Variants in CDH12 observed in about 807,000 individuals in gnomAD.
CDH12 encodes cadherin-12.
In CDH12, 41 loss-of-function variants were observed where a neutral mutation model predicts 74.1. The observed-to-expected ratio is 0.55, with a 90% CI of 0.43 to 0.72. The LOEUF (loss-of-function observed/expected upper bound fraction) is 0.72. Ranked by LOEUF, CDH12 falls within the 30% of genes least tolerant of loss-of-function variation. The pLI is 0.00. For missense variants in CDH12, 945 were observed against 977.2 expected, an observed-to-expected ratio of 0.97 and a Z score of 0.44; for synonymous variants, 399 against 355.0, an observed-to-expected ratio of 1.12 and a Z score of -1.39.
At chr5:21,892,352 A>G (rs1201774608) in intron 6 of CDH12, among the ~76,000 whole-genome samples, 1 of 152,132 alleles carries the variant, frequency 6.6e-6, no homozygotes, top group African/African-American at 2.4e-5. Context: ...GAACTTTCCT[A>G]GAATGGAATA....
chr5:22,738,639 A>AT (rs1433493972), intron 1 of CDH12, among the ~76,000 whole-genome samples: 1 of 152,114 alleles, frequency 6.6e-6, no homozygotes, highest in Non-Finnish European at 1.5e-5. Flanking sequence ...TCAAGGGGAC[A>AT]TGTTTAAAAA....
At chr5:21,967,809 G>C (rs1756653814) in intron 6 of CDH12, among the ~76,000 whole-genome samples, 1 of 152,122 alleles carries the variant, frequency 6.6e-6, no homozygotes, top group African/African-American at 2.4e-5. Context: ...AACATCCTAT[G>C]GCCCTGAAAA....
At chr5:22,274,246 A>T (rs1736524985) in intron 3 of CDH12, among the ~76,000 whole-genome samples, 1 of 152,150 alleles carries the variant, frequency 6.6e-6, no homozygotes, top group South Asian at 2.1e-4. Context: ...GGGATTTTAC[A>T]TGCCAAGAAT....
chr5:22,819,242 C>A (rs1305197513), intron 1 of CDH12, among the ~76,000 whole-genome samples: 2 of 152,002 alleles, frequency 1.3e-5, no homozygotes, highest in Non-Finnish European at 2.9e-5. Context: ...CAAAGTGATC[C>A]TGCTCAAGAT....
At chr5:22,557,924 TG>T (rs1030883770) in intron 1 of CDH12, among the ~76,000 whole-genome samples, 4 of 152,092 alleles carry the variant, frequency 2.6e-5, no homozygotes, top group African/African-American at 9.7e-5. Context: ...TAAATATTTT[TG>T]TCCAAATTAT....
intron 1 of CDH12, among the ~76,000 whole-genome samples, chr5:22,721,608 T>C (rs751882721): frequency 5.3e-5 from 8 of 152,124 alleles, no homozygotes; most frequent in Non-Finnish European, 1.2e-4. Context: ...AAGGCATGAT[T>C]GGTTTTGAAA....
chr5:21,880,781 G>A (rs887483516), intron 6 of CDH12, among the ~76,000 whole-genome samples: 1 of 150,998 alleles, frequency 6.6e-6, no homozygotes, highest in Non-Finnish European at 1.5e-5. Flanking sequence ...CTAATAGAAA[G>A]TAGAGTCCCA....
chr5:22,747,185 G>C (rs1268198998), intron 1 of CDH12, among the ~76,000 whole-genome samples: 2 of 151,938 alleles, frequency 1.3e-5, no homozygotes, highest in African/African-American at 4.8e-5. Context: ...TAAGAAAAAT[G>C]GTTAAACACT....
At chr5:22,171,681 A>T (rs1749038577) in intron 4 of CDH12, among the ~76,000 whole-genome samples, 1 of 151,988 alleles carries the variant, frequency 6.6e-6, no homozygotes, top group African/African-American at 2.4e-5. Context: ...CCACACAGCT[A>T]GTAAGTGGTA....
chr5:22,756,176 C>T (rs1199738743), intron 1 of CDH12, among the ~76,000 whole-genome samples: 1 of 145,756 alleles, frequency 6.9e-6, no homozygotes, highest in East Asian at 2.1e-4. Context: ...CAGTCTATAA[C>T]AGTATACTCA....
In CDH12 at chr5:22,517,378, T is replaced by G. The variant is rs16896504; in HGVS notation, c.-522-12014A>C. On this transcript the variant is annotated intron_variant, in intron 1 of 14. Transcript: ENST00000382254. ...TTTAAAAAATCTCTAGAATTTAAAT[T>G]CATCACTTTTATGTTTATCACTCTG... 8.7e-3 allele frequency among the ~76,000 whole-genome samples: 1,327 copies of G among 152,262 alleles called. 22 individuals are homozygous for G. Among genetic ancestry groups the G allele is most frequent in the African/African-American group, 0.03 (1,266 of 41,562 alleles).
intron 5 of CDH12, among the ~76,000 whole-genome samples, chr5:22,040,889 G>A (rs985960066): frequency 7.9e-5 from 12 of 151,698 alleles, no homozygotes; most frequent in Non-Finnish European, 1.5e-4. Flanking sequence ...GTAAATATGT[G>A]GCCAAATTGA....
At chr5:21,814,146 TGTGTGTGTG>T (rs1747910876) in intron 9 of CDH12, among the ~76,000 whole-genome samples, 1 of 13,738 alleles carries the variant, frequency 7.3e-5, no homozygotes, top group Non-Finnish European at 3.0e-4. Context: ...GAAATGAGTG[TGTGTGTGTG>T]TGTGTGTGTG....
chr5:21,867,277 C>T (rs1278704741), intron 6 of CDH12, among the ~76,000 whole-genome samples: 1 of 152,160 alleles, frequency 6.6e-6, no homozygotes, highest in Non-Finnish European at 1.5e-5. Context: ...ATGGCTTGAA[C>T]CCAGGAGGCG....
At chr5:22,120,928 A>G (rs1448127557) in intron 4 of CDH12, among the ~76,000 whole-genome samples, 1 of 152,194 alleles carries the variant, frequency 6.6e-6, no homozygotes, top group Non-Finnish European at 1.5e-5. Flanking sequence ...AGACAACACA[A>G]GTAAAATCAT....
chr5:22,824,324 A>G (rs1749891207), intron 1 of CDH12, among the ~76,000 whole-genome samples: 1 of 152,146 alleles, frequency 6.6e-6, no homozygotes, highest in African/African-American at 2.4e-5. Context: ...AAAATGGATG[A>G]TCCAGATGAA....
chr5:22,220,341 A>G (rs1751969563), intron 3 of CDH12, among the ~76,000 whole-genome samples: 1 of 151,746 alleles, frequency 6.6e-6, no homozygotes, highest in Admixed American at 6.6e-5. Context: ...AATGCATTTT[A>G]TTGATTAGAC....
At chr5:22,552,659 C>T (rs963651783) in intron 1 of CDH12, among the ~76,000 whole-genome samples, 1 of 152,106 alleles carries the variant, frequency 6.6e-6, no homozygotes, top group African/African-American at 2.4e-5. Context: ...GATCTCCTAA[C>T]CTCGTGATCT....
At chr5:22,652,023 A>G (rs908672142) in intron 1 of CDH12, among the ~76,000 whole-genome samples, 2 of 151,898 alleles carry the variant, frequency 1.3e-5, no homozygotes, top group African/African-American at 4.8e-5. Flanking sequence ...ATAGATGGTT[A>G]AAACGTAGGT....
Sources: allele counts gnomAD v4.1 joint callset (sites outside exome capture counted in the v4.1 genomes callset), GRCh38; gene constraint gnomAD v4.1.1; transcripts MANE v1.5; gene names NCBI Gene and HGNC (gene_info 2026-07-23, HGNC 2026-07-21).